The following NF1 variants were observed in gnomAD, a reference collection of about 807,000 sequenced individuals.
The protein encoded by NF1 is neurofibromin 1.
In NF1, 122 loss-of-function variants were observed where a neutral mutation model predicts 325.7. That is an observed-to-expected ratio of 0.37 (90% CI 0.32 to 0.44). The LOEUF is 0.44. NF1 is among the 20% of genes least tolerant of loss of function. The probability of loss-of-function intolerance (pLI) is 1.00; values close to 1 mark genes in which losing one functional copy is unlikely to be tolerated. For synonymous variants in NF1, 1,091 were observed against 1,186.0 expected, an observed-to-expected ratio of 0.92 and a Z score of 1.65; for missense variants, 2,140 against 3,415.4, an observed-to-expected ratio of 0.63 and a Z score of 9.31.
chr17:31,277,379 C>T (rs959825319), intron 36 of NF1, among the ~76,000 whole-genome samples: 18 of 152,158 alleles, frequency 1.2e-4, no homozygotes, highest in Admixed American at 3.9e-4. Flanking sequence ...GTCTCCAAGA[C>T]GCCAGAAGAT....
chr17:31,285,621 G>T (rs1030184061), intron 36 of NF1, among the ~76,000 whole-genome samples: 5 of 152,154 alleles, frequency 3.3e-5, no homozygotes, highest in African/African-American at 1.2e-4. Flanking sequence ...GCCAAGGCAG[G>T]TAGATTGCTT....
In NF1 at chr17:31,207,003, AAG is replaced by A. The variant is rs59430631; in HGVS notation, c.1392+634_1392+635del. Among the ~76,000 whole-genome samples, 857 of 152,298 alleles carry A rather than the reference AAG, an allele frequency of 5.6e-3. 3 individuals are homozygous for A. The highest frequency in any genetic ancestry group is 0.019 in the African/African-American group (809 of 41,558). On this transcript the variant is annotated intron_variant, in intron 12 of 57. Transcript: ENST00000358273. ...AAAACTCCTATGGAATCAATTTAAA[AAG>A]ATAATTATAAGATTGTGGAAGTCAT...
At chr17:31,214,949 T>C (rs1030819896) in intron 13 of NF1, among the ~76,000 whole-genome samples, 1 of 152,214 alleles carries the variant, frequency 6.6e-6, no homozygotes, top group Non-Finnish European at 1.5e-5. Flanking sequence ...TCTACATCTA[T>C]ACTGTTGGTT....
chr17:31,230,485 G>T, intron 23 of NF1, 103 bp downstream of exon 23: 1 of 1,386,388 alleles, frequency 7.2e-7, no homozygotes, highest in South Asian at 1.2e-5. Flanking sequence ...AGGAGGACAT[G>T]AAAAGAGAGC....
intron 1 of NF1, among the ~76,000 whole-genome samples, chr17:31,130,410 G>T (rs1915269072): frequency 6.6e-6 from 1 of 152,188 alleles, no homozygotes; most frequent in African/African-American, 2.4e-5. Context: ...AAGGCCACAG[G>T]GTGCTGGCCT....
intron 1 of NF1, among the ~76,000 whole-genome samples, chr17:31,109,733 A>C (rs1451655852): frequency 2.0e-5 from 3 of 152,170 alleles, no homozygotes; most frequent in Non-Finnish European, 4.4e-5. Context: ...TGAGTTGAAT[A>C]GTTCTGCTTT....
At chr17:31,335,305 T>C (rs2069634317) in intron 40 of NF1, among the ~76,000 whole-genome samples, 1 of 122,466 alleles carries the variant, frequency 8.2e-6, no homozygotes, top group Admixed American at 8.2e-5. Context: ...TAATTATGCC[T>C]TGAAGGAGAC....
At chr17:31,149,034 A>G (rs1342250001) in intron 1 of NF1, among the ~76,000 whole-genome samples, 1 of 151,972 alleles carries the variant, frequency 6.6e-6, no homozygotes, top group East Asian at 1.9e-4. Context: ...GTTTCTTAAT[A>G]TAAGAAACAT....
At chr17:31,352,967 G>A (rs1339457721) in intron 51 of NF1, among the ~76,000 whole-genome samples, 1 of 151,994 alleles carries the variant, frequency 6.6e-6, no homozygotes, top group African/African-American at 2.4e-5. Context: ...GGAGTGCAGT[G>A]GCGCAATCTC....
At chr17:31,357,449 G>C in intron 54 of NF1, 80 bp downstream of exon 54, 1 of 1,052,110 alleles carries the variant, frequency 9.5e-7, no homozygotes, top group Non-Finnish European at 1.5e-6. Context: ...TGCACTGGTT[G>C]CAAAGAGGGC....
intron 36 of NF1, chr17:31,299,640 T>G (rs1201184685): frequency 6.6e-6 from 1 of 152,120 alleles, no homozygotes; most frequent in Non-Finnish European, 1.5e-5. Context: ...TCAGATATTG[T>G]TTATTTTTGG....
intron 30 of NF1, chr17:31,250,473 A>G (rs1002752099): frequency 4.8e-6 from 1 of 208,592 alleles, no homozygotes; most frequent in Non-Finnish European, 9.8e-6. Context: ...CTAAAATGAC[A>G]GAGGCTTTGA....
At chr17:31,212,778 T>G (rs2066751496) in intron 12 of NF1, among the ~76,000 whole-genome samples, 1 of 152,188 alleles carries the variant, frequency 6.6e-6, no homozygotes, top group African/African-American at 2.4e-5. Flanking sequence ...TATTGTATAC[T>G]GTACATAATT....
chr17:31,326,988 G>A (rs76314024), intron 37 of NF1, among the ~76,000 whole-genome samples: 1 of 41,272 alleles, frequency 2.4e-5, no homozygotes, highest in Admixed American at 2.1e-4. Context: ...GTGCAGTGGC[G>A]TGATCTCAGA....
intron 39 of NF1, among the ~76,000 whole-genome samples, chr17:31,333,505 G>C (rs563523227): frequency 6.6e-6 from 1 of 152,232 alleles, no homozygotes; most frequent in Non-Finnish European, 1.5e-5. Flanking sequence ...TTCACCAAGA[G>C]TAAACACTAT....
intron 36 of NF1, among the ~76,000 whole-genome samples, chr17:31,307,655 T>C (rs932053857): frequency 6.6e-6 from 1 of 152,190 alleles, no homozygotes; most frequent in African/African-American, 2.4e-5. Context: ...TCCTCTAAAG[T>C]GAAGAGTTCT....
At chr17:31,125,345 A>G (rs1353314803) in intron 1 of NF1, among the ~76,000 whole-genome samples, 2 of 151,716 alleles carry the variant, frequency 1.3e-5, no homozygotes, top group African/African-American at 4.8e-5. Flanking sequence ...TGGGCTATTG[A>G]TGCACATTTG....
chr17:31,123,091 C>A (rs768143892), intron 1 of NF1, among the ~76,000 whole-genome samples: 1 of 152,144 alleles, frequency 6.6e-6, no homozygotes, highest in Non-Finnish European at 1.5e-5. Context: ...GAATCTTTGC[C>A]ATTCAAAAAC....
chr17:31,358,445 A>C (rs1235838483), intron 54 of NF1, 35 bp from the exon 55 acceptor site: 1 of 1,599,732 alleles, frequency 6.3e-7, no homozygotes, highest in Non-Finnish European at 8.6e-7. Context: ...ATTTTCCTCT[A>C]AAATGTTCCT....
Sources: gnomAD v4.1 joint callset for allele counts (sites outside exome capture counted in the v4.1 genomes callset) on GRCh38, gnomAD v4.1.1 for gene constraint, MANE v1.5 for transcripts, NCBI Gene and HGNC (gene_info 2026-07-23, HGNC 2026-07-21) for gene names.